KCNH8: variants seen among roughly 807,000 people sequenced by gnomAD.
KCNH8 encodes the protein potassium voltage-gated channel subfamily H member 8.
KCNH8 carries 70 observed loss-of-function variants against 103.6 expected under a neutral mutation model. The ratio of observed to expected loss-of-function variants is 0.68; its 90% confidence interval spans 0.56 to 0.82. The LOEUF is 0.82. Ranked by LOEUF, KCNH8 falls within the 40% of genes least tolerant of loss-of-function variation. The pLI is 0.00. For missense variants in KCNH8, 1,217 were observed against 1,329.9 expected (o/e 0.92, Z 1.32); for synonymous variants, 498 against 489.4 (o/e 1.02, Z -0.23).
At chr3:19,231,099 A>G (rs2063989597) in intron 1 of KCNH8, among the ~76,000 whole-genome samples, 1 of 152,162 alleles carries the variant, frequency 6.6e-6, no homozygotes, top group African/African-American at 2.4e-5. Flanking sequence ...GCAATCAATA[A>G]CATGATGTTA....
At chr3:19,168,008 C>G (rs898300850) in intron 1 of KCNH8, among the ~76,000 whole-genome samples, 2 of 149,626 alleles carry the variant, frequency 1.3e-5, no homozygotes, top group African/African-American at 4.9e-5. Flanking sequence ...CCTCTCTCCA[C>G]TTCTTTTTTT....
intron 3 of KCNH8, among the ~76,000 whole-genome samples, chr3:19,295,422 ATAAG>A (rs1307309625): frequency 2.7e-5 from 4 of 149,078 alleles, no homozygotes; most frequent in African/African-American, 1.0e-4. Context: ...AAATAAATAA[ATAAG>A]TTCAGGCTGA....
chr3:19,205,463 C>G (rs2063705573), intron 1 of KCNH8, among the ~76,000 whole-genome samples: 2 of 151,990 alleles, frequency 1.3e-5, no homozygotes, highest in Non-Finnish European at 2.9e-5. Flanking sequence ...TTAATTTTAA[C>G]AAATATTTAT....
At chr3:19,344,190 A>G (rs2065699578) in intron 4 of KCNH8, among the ~76,000 whole-genome samples, 1 of 152,034 alleles carries the variant, frequency 6.6e-6, no homozygotes, top group Admixed American at 6.6e-5. Flanking sequence ...ATAAGAAGAA[A>G]CAAAGGTAAC....
chr3:19,492,475 G>A (rs2068344337), intron 11 of KCNH8, among the ~76,000 whole-genome samples: 1 of 152,052 alleles, frequency 6.6e-6, no homozygotes, highest in Non-Finnish European at 1.5e-5. Flanking sequence ...TGGAAGGTGA[G>A]AGGTTTTAAA....
intron 7 of KCNH8, among the ~76,000 whole-genome samples, chr3:19,424,827 A>G (rs2067003397): frequency 6.6e-6 from 1 of 152,232 alleles, no homozygotes; most frequent in Admixed American, 6.5e-5. Context: ...CAAATGGCCA[A>G]CAAACATATA....
intron 7 of KCNH8, among the ~76,000 whole-genome samples, chr3:19,424,049 A>G (rs751742747): frequency 6.6e-6 from 1 of 152,164 alleles, no homozygotes; most frequent in Non-Finnish European, 1.5e-5. Flanking sequence ...GGCAGTCTAC[A>G]GATTCAGTGC....
At chr3:19,156,862 G>T (rs940510852) in intron 1 of KCNH8, among the ~76,000 whole-genome samples, 1 of 151,902 alleles carries the variant, frequency 6.6e-6, no homozygotes, top group Non-Finnish European at 1.5e-5. Flanking sequence ...TCCAGTGTCA[G>T]GTACTGTTGA....
chr3:19,358,474 G>A (rs1396816773), intron 5 of KCNH8, among the ~76,000 whole-genome samples: 1 of 151,920 alleles, frequency 6.6e-6, no homozygotes, highest in African/African-American at 2.4e-5. Context: ...GAAGAAAAGT[G>A]AAGCCAGAAG....
At chr3:19,497,179 A>C (rs2068460763) in intron 11 of KCNH8, among the ~76,000 whole-genome samples, 2 of 150,258 alleles carry the variant, frequency 1.3e-5, no homozygotes, top group African/African-American at 4.9e-5. Flanking sequence ...CTGTCGTATT[A>C]ATTTTTTAAA....
intron 11 of KCNH8, among the ~76,000 whole-genome samples, chr3:19,488,273 TTTTC>T: frequency 6.6e-6 from 1 of 152,350 alleles, no homozygotes; most frequent in South Asian, 2.1e-4. Context: ...AGAACCCTCC[TTTTC>T]TTTCCCTTTT....
At chr3:19,283,754 A>T (rs1314690244) in intron 3 of KCNH8, among the ~76,000 whole-genome samples, 1 of 151,072 alleles carries the variant, frequency 6.6e-6, no homozygotes, top group African/African-American at 2.4e-5. Flanking sequence ...TGTCTTTACC[A>T]AAAAAAATAT....
At chr3:19,486,425 C>T (rs755447079) in intron 11 of KCNH8, among the ~76,000 whole-genome samples, 2 of 152,154 alleles carry the variant, frequency 1.3e-5, no homozygotes, top group Admixed American at 6.5e-5. Context: ...CAGCTTTTGC[C>T]CAAGGGTTAG....
At chr3:19,228,975 C>T (rs545249597) in intron 1 of KCNH8, among the ~76,000 whole-genome samples, 4 of 152,346 alleles carry the variant, frequency 2.6e-5, no homozygotes, top group Admixed American at 6.5e-5. Flanking sequence ...AACTCCAAAT[C>T]AGCATCTTTT....
intron 2 of KCNH8, among the ~76,000 whole-genome samples, chr3:19,263,647 G>T (rs1292173466): frequency 6.6e-6 from 1 of 152,080 alleles, no homozygotes; most frequent in African/African-American, 2.4e-5. Context: ...GAAGCTGCAA[G>T]AATTTTTGTG....
chr3:19,371,751 G>A (rs1257347106), intron 5 of KCNH8, among the ~76,000 whole-genome samples: 1 of 119,180 alleles, frequency 8.4e-6, no homozygotes, highest in Non-Finnish European at 1.8e-5. Flanking sequence ...TAGGTCTAAC[G>A]TTTAAAGTCT....
At chr3:19,175,759 T>C (rs557843648) in intron 1 of KCNH8, among the ~76,000 whole-genome samples, 1 of 152,336 alleles carries the variant, frequency 6.6e-6, no homozygotes, top group African/African-American at 2.4e-5. Flanking sequence ...AATTGATTTG[T>C]CATCTTGATT....
rs550869574 is a variant in KCNH8 at position 19,501,761 on chromosome 3, T to C, written c.2041-8602T>C. 1.9e-3 allele frequency among the ~76,000 whole-genome samples: 290 copies of C among 152,302 alleles called. 2 individuals carry two copies. Among genetic ancestry groups the C allele is most frequent in the African/African-American group, 6.8e-3 (281 of 41,574 alleles). On this transcript the variant is annotated intron_variant, in intron 11 of 15. Transcript: ENST00000328405. ...TAAAAACTCTCAATAAATTAGGTAT[T>C]GATGTGACGTATCTCAAAATAATAA...
At chr3:19,506,743 T>C (rs1408654367) in intron 11 of KCNH8, among the ~76,000 whole-genome samples, 1 of 152,084 alleles carries the variant, frequency 6.6e-6, no homozygotes, top group Non-Finnish European at 1.5e-5. Context: ...CTCTCGTCTC[T>C]GGGGGCTCCA....
Sources: gnomAD v4.1 joint callset for allele counts (sites outside exome capture counted in the v4.1 genomes callset) on GRCh38, gnomAD v4.1.1 for gene constraint, MANE v1.5 for transcripts, NCBI Gene and HGNC (gene_info 2026-07-23, HGNC 2026-07-21) for gene names.